Variants in SPOCK3 observed in about 807,000 individuals in gnomAD.
SPOCK3 encodes the protein SPARC (osteonectin), cwcv and kazal like domains proteoglycan 3.
In SPOCK3, 30 loss-of-function variants were observed where a neutral mutation model predicts 56.6. The ratio of observed to expected loss-of-function variants is 0.53; its 90% CI spans 0.40 to 0.72. SPOCK3 has a LOEUF of 0.72. SPOCK3 is among the 30% of genes least tolerant of loss of function. SPOCK3 has a pLI of 0.00. For missense variants in SPOCK3, 527 were observed against 530.0 expected (o/e 0.99, Z 0.06); for synonymous variants, 196 against 183.3 (o/e 1.07, Z -0.56).
intron 3 of SPOCK3, among the ~76,000 whole-genome samples, chr4:167,019,072 A>G: frequency 6.6e-6 from 1 of 152,012 alleles, no homozygotes; most frequent in South Asian, 2.1e-4. Context: ...CACCCGACAC[A>G]CCACCAACTC....
intron 2 of SPOCK3, among the ~76,000 whole-genome samples, chr4:167,076,277 C>T (rs1476002629): frequency 6.6e-6 from 1 of 151,680 alleles, no homozygotes; most frequent in African/African-American, 2.4e-5. Flanking sequence ...AACAGTGAAC[C>T]ATAATGTAAA....
At chr4:166,802,110 AAC>A (rs1301016570) in intron 6 of SPOCK3, among the ~76,000 whole-genome samples, 2 of 152,200 alleles carry the variant, frequency 1.3e-5, no homozygotes, top group East Asian at 3.9e-4. Context: ...ACATGTACAA[AAC>A]ACCGAGAACA....
rs188739006 is a variant in SPOCK3, at chr4:166,997,436, T to C, written c.350+2913A>G. Among the ~76,000 whole-genome samples, 3 of 152,296 alleles carry C rather than the reference T, an allele frequency of 2.0e-5. No homozygotes were observed. In the East Asian group the frequency reaches 5.8e-4, roughly 29 times the overall value. ...TGATGCCTATACCCTTCTTAATTCA[T>C]TTTCAGCAAATATACGCAAAGCACT... is the stretch of plus-strand genomic sequence containing the variant. On this transcript the variant is annotated intron_variant, in intron 4 of 10. Coordinates refer to ENST00000357545, the MANE Select transcript of SPOCK3 (RefSeq NM_001040159.2).
At chr4:166,991,181 A>ACTAT in intron 4 of SPOCK3, among the ~76,000 whole-genome samples, 1 of 151,882 alleles carries the variant, frequency 6.6e-6, no homozygotes, top group African/African-American at 2.4e-5. Flanking sequence ...AATTTCCTTT[A>ACTAT]ATTCACCACT....
chr4:166,922,028 A>G (rs1738549758), intron 4 of SPOCK3, among the ~76,000 whole-genome samples: 1 of 152,146 alleles, frequency 6.6e-6, no homozygotes, highest in South Asian at 2.1e-4. Flanking sequence ...TCACCACCTG[A>G]GCACCGCCTC....
chr4:167,097,008 G>GC (rs1413842217), intron 2 of SPOCK3, among the ~76,000 whole-genome samples: 4 of 151,586 alleles, frequency 2.6e-5, no homozygotes, highest in Admixed American at 1.3e-4. Flanking sequence ...ATTGTGTAAT[G>GC]CCCCCCTCTA....
chr4:167,079,883 AT>A (rs1273555180), intron 2 of SPOCK3, among the ~76,000 whole-genome samples: 1 of 152,040 alleles, frequency 6.6e-6, no homozygotes, highest in Non-Finnish European at 1.5e-5. Context: ...TGGGTATTAA[AT>A]TAGATCAGAA....
intron 8 of SPOCK3, among the ~76,000 whole-genome samples, chr4:166,751,776 T>C (rs1251705597): frequency 6.6e-6 from 1 of 152,150 alleles, no homozygotes; most frequent in East Asian, 1.9e-4. Flanking sequence ...AAAGTAGACA[T>C]ACTTTTATGA....
intron 2 of SPOCK3, among the ~76,000 whole-genome samples, chr4:167,129,360 C>T (rs969718936): frequency 1.3e-5 from 2 of 152,148 alleles, no homozygotes; most frequent in Admixed American, 1.3e-4. Flanking sequence ...CTAAAAACAG[C>T]CCTGGGGAAT....
intron 4 of SPOCK3, among the ~76,000 whole-genome samples, chr4:166,954,034 T>G (rs1743075727): frequency 6.6e-6 from 1 of 152,128 alleles, no homozygotes; most frequent in African/African-American, 2.4e-5. Flanking sequence ...TGTATACATA[T>G]GTAACTAACC....
At chr4:166,866,872 C>T (rs890893664) in intron 6 of SPOCK3, among the ~76,000 whole-genome samples, 1 of 151,946 alleles carries the variant, frequency 6.6e-6, no homozygotes, top group East Asian at 1.9e-4. Flanking sequence ...ATTGCATGTC[C>T]GTGTTATTTC....
intron 2 of SPOCK3, among the ~76,000 whole-genome samples, chr4:167,186,111 G>A (rs924115057): frequency 6.6e-6 from 1 of 152,134 alleles, no homozygotes; most frequent in Non-Finnish European, 1.5e-5. Context: ...AGTATGTAGA[G>A]TTTCTCTTTA....
chr4:167,105,474 A>AAC (rs893663279), intron 2 of SPOCK3, among the ~76,000 whole-genome samples: 18 of 150,648 alleles, frequency 1.2e-4, no homozygotes, highest in African/African-American at 4.4e-4. Context: ...AAAAAAAAAA[A>AAC]AAAAAACGAA....
At chr4:167,051,930 C>G (rs1754248650) in intron 3 of SPOCK3, among the ~76,000 whole-genome samples, 1 of 152,116 alleles carries the variant, frequency 6.6e-6, no homozygotes, top group Admixed American at 6.5e-5. Context: ...ACTTCCTGCT[C>G]TATATATTTG....
At chr4:166,888,257 T>C (rs1734409965) in intron 6 of SPOCK3, among the ~76,000 whole-genome samples, 1 of 152,048 alleles carries the variant, frequency 6.6e-6, no homozygotes, top group Non-Finnish European at 1.5e-5. Flanking sequence ...ATTCTTCACA[T>C]TTTTTAGGAA....
intron 3 of SPOCK3, among the ~76,000 whole-genome samples, chr4:167,051,772 G>A (rs560107117): frequency 1.1e-4 from 17 of 152,294 alleles, no homozygotes; most frequent in Middle Eastern, 3.4e-3. Flanking sequence ...CTGAGGTGGC[G>A]CCTGTCAAAA....
intron 2 of SPOCK3, among the ~76,000 whole-genome samples, chr4:167,224,228 T>C (rs1736367155): frequency 6.6e-6 from 1 of 152,128 alleles, no homozygotes; most frequent in Non-Finnish European, 1.5e-5. Context: ...TAGTGCACTA[T>C]TAAAGACATT....
chr4:167,199,694 AAATAATAATAATAAT>A (rs200479070), intron 2 of SPOCK3, among the ~76,000 whole-genome samples: 4,923 of 141,612 alleles, frequency 0.035, 126 homozygotes, highest in Middle Eastern at 0.067. Context: ...TGTGTGAAAT[AAATAATAATAATAAT>A]AATAATAATA....
At chr4:167,159,734 A>C (rs994805698) in intron 2 of SPOCK3, among the ~76,000 whole-genome samples, 2 of 152,214 alleles carry the variant, frequency 1.3e-5, no homozygotes, top group Non-Finnish European at 2.9e-5. Context: ...GGCTGATTCA[A>C]CATACGCAAA....
Sources: gnomAD v4.1 joint callset for allele counts (sites outside exome capture counted in the v4.1 genomes callset) on GRCh38, gnomAD v4.1.1 for gene constraint, MANE v1.5 for transcripts, NCBI Gene and HGNC (gene_info 2026-07-23, HGNC 2026-07-21) for gene names.